ARMH4: variants seen among roughly 807,000 people sequenced by gnomAD.
The protein encoded by ARMH4 is armadillo like helical domain containing 4.
ARMH4 carries 49 observed loss-of-function variants against 61.9 expected under a neutral mutation model. That is an observed-to-expected ratio of 0.79 (90% CI 0.63 to 1.00). ARMH4 has a LOEUF of 1.00. Ranked by LOEUF, ARMH4 falls within the 50% of genes least tolerant of loss-of-function variation. The pLI, the probability that ARMH4 is intolerant of heterozygous loss-of-function variation, is 0.00. For missense variants in ARMH4, 934 were observed against 930.0 expected, an observed-to-expected ratio of 1.00 and a Z score of -0.06; for synonymous variants, 368 against 341.5, an observed-to-expected ratio of 1.08 and a Z score of -0.85.
chr14:58,013,448 CA>C (rs1882487621), intron 5 of ARMH4, among the ~76,000 whole-genome samples: 1 of 152,080 alleles, frequency 6.6e-6, no homozygotes, highest in Non-Finnish European at 1.5e-5. Context: ...AAGCATGCAG[CA>C]GGCTACATAT....
chr14:58,119,029 G>C (rs1249312881), intron 4 of ARMH4, among the ~76,000 whole-genome samples: 3 of 152,202 alleles, frequency 2.0e-5, no homozygotes, highest in Non-Finnish European at 4.4e-5. Context: ...AATTTCTGTA[G>C]ACTATTGTGT....
intron 6 of ARMH4, among the ~76,000 whole-genome samples, chr14:58,005,586 G>C (rs1310158390): frequency 1.3e-5 from 2 of 152,182 alleles, no homozygotes; most frequent in African/African-American, 2.4e-5. Flanking sequence ...CTTAAAGGAG[G>C]TCAAAGTGTC....
chr14:58,134,264 T>C (rs1412344046), intron 2 of ARMH4, among the ~76,000 whole-genome samples: 2 of 152,138 alleles, frequency 1.3e-5, no homozygotes. Context: ...GAGGCCTCTG[T>C]AGAAGGTGTG....
At chr14:58,044,997 C>T (rs1339537405) in intron 5 of ARMH4, among the ~76,000 whole-genome samples, 1 of 152,176 alleles carries the variant, frequency 6.6e-6, no homozygotes, top group East Asian at 1.9e-4. Flanking sequence ...AATAGGAACA[C>T]TTTTACACTG....
intron 5 of ARMH4, among the ~76,000 whole-genome samples, chr14:58,048,838 A>G (rs10483695): frequency 0.45 from 67,787 of 151,988 alleles, 15,297 homozygotes; most frequent in East Asian, 0.68. Context: ...AATGCTTTGC[A>G]CCCATAATTA....
chr14:58,101,953 G>A (rs559448177), intron 4 of ARMH4, among the ~76,000 whole-genome samples: 90 of 152,296 alleles, frequency 5.9e-4, no homozygotes, highest in Middle Eastern at 3.4e-3. Context: ...AGGAGAGAGA[G>A]AGAGAGAGAA....
intron 2 of ARMH4, among the ~76,000 whole-genome samples, chr14:58,134,270 G>T (rs1887230099): frequency 6.6e-6 from 1 of 152,146 alleles, no homozygotes; most frequent in African/African-American, 2.4e-5. Flanking sequence ...TCTGTAGAAG[G>T]TGTGCATTTG....
chr14:58,132,321 A>C (rs1355697876), intron 3 of ARMH4, among the ~76,000 whole-genome samples: 1 of 152,242 alleles, frequency 6.6e-6, no homozygotes, highest in Non-Finnish European at 1.5e-5. Flanking sequence ...AATTCTTAAA[A>C]TAACCTATAA....
At chr14:58,137,696 A>G (rs1887351590) in intron 2 of ARMH4, among the ~76,000 whole-genome samples, 1 of 152,098 alleles carries the variant, frequency 6.6e-6, no homozygotes. Context: ...TAATTTTTAT[A>G]TAAAATAGAT....
chr14:58,034,556 T>C (rs1191290658), intron 5 of ARMH4, among the ~76,000 whole-genome samples: 2 of 103,700 alleles, frequency 1.9e-5, no homozygotes, highest in East Asian at 2.4e-4. Context: ...CATAACAATA[T>C]TAACTTTAAA....
chr14:58,013,829 G>T (rs1185622668), intron 5 of ARMH4, among the ~76,000 whole-genome samples: 8 of 152,004 alleles, frequency 5.3e-5, no homozygotes, highest in African/African-American at 1.9e-4. Context: ...TTCAAGACCA[G>T]CCTGGCCAAC....
intron 5 of ARMH4, among the ~76,000 whole-genome samples, chr14:58,031,088 C>A (rs967073315): frequency 6.6e-6 from 1 of 152,066 alleles, no homozygotes; most frequent in South Asian, 2.1e-4. Flanking sequence ...TAATAGGTAC[C>A]AGGTACTGGG....
chr14:58,096,169 A>G (rs922590724), intron 5 of ARMH4, among the ~76,000 whole-genome samples: 7 of 152,218 alleles, frequency 4.6e-5, no homozygotes, highest in African/African-American at 1.7e-4. Flanking sequence ...ATCGTGTTTG[A>G]CAAGGTAATG....
intron 4 of ARMH4, among the ~76,000 whole-genome samples, chr14:58,099,329 G>C (rs1046002852): frequency 2.6e-5 from 4 of 151,896 alleles, no homozygotes; most frequent in South Asian, 2.1e-4. Context: ...ACCACTTAGA[G>C]GGTGACCAGC....
chr14:58,092,425 T>C (rs1885599195), intron 5 of ARMH4, among the ~76,000 whole-genome samples: 1 of 152,242 alleles, frequency 6.6e-6, no homozygotes, highest in South Asian at 2.1e-4. Flanking sequence ...AAAACGCTGC[T>C]GCTCCTTAAA....
chr14:58,018,782 A>G (rs1882708494), intron 5 of ARMH4, among the ~76,000 whole-genome samples: 1 of 152,182 alleles, frequency 6.6e-6, no homozygotes, highest in Admixed American at 6.5e-5. Context: ...TACATATTCA[A>G]AGGAAAACAA....
intron 4 of ARMH4, among the ~76,000 whole-genome samples, chr14:58,110,478 A>ATATATAT (rs1886320511): frequency 6.6e-6 from 1 of 152,154 alleles, no homozygotes; most frequent in African/African-American, 2.4e-5. Context: ...AAAGGTTAAA[A>ATATATAT]ATTTCCCATT....
chr14:58,001,836 C>G lies in ARMH4; in HGVS notation c.*2900G>C, dbSNP rs571246502. ...GAGCCTGCAAATTCTGGAAACACTG[C>G]CTCTCCCTCCGAGAAGAAGACCTAG... On this transcript the variant is annotated 3_prime_UTR_variant, in exon 8 of 8. Transcript: ENST00000267485. 6.6e-6 allele frequency: 1 copy of G among 152,192 alleles called. No homozygotes were observed. The highest frequency in any genetic ancestry group is 1.9e-4 in the East Asian group (1 of 5,174). The allele number at this position is 152,192 out of a possible 1,614,324, so 9.4% of individuals were successfully genotyped here. A position where few individuals can be genotyped will look rare whatever the true frequency, so the allele number is the denominator to read the frequency against.
At chr14:58,135,878 AT>A (rs1163375820) in intron 2 of ARMH4, among the ~76,000 whole-genome samples, 1 of 152,142 alleles carries the variant, frequency 6.6e-6, no homozygotes, top group Non-Finnish European at 1.5e-5. Flanking sequence ...GTAGTAAAAC[AT>A]TTTGGCTATT....
Sources: allele counts gnomAD v4.1 joint callset (sites outside exome capture counted in the v4.1 genomes callset), GRCh38; gene constraint gnomAD v4.1.1; transcripts MANE v1.5; gene names NCBI Gene and HGNC (gene_info 2026-07-23, HGNC 2026-07-21).